Variants in MAPRE2 observed in about 807,000 individuals in gnomAD.
MAPRE2 encodes the protein microtubule-associated protein RP/EB family member 2.
Under a neutral mutation model 43.2 loss-of-function variants are expected in MAPRE2, and 13 were observed. The ratio of observed to expected loss-of-function variants is 0.30; its 90% CI spans 0.20 to 0.48. MAPRE2 has a LOEUF of 0.48. Among genes scored for constraint, MAPRE2 ranks in the 20% least tolerant of loss-of-function variants. The pLI is 0.99. For synonymous variants in MAPRE2, 135 were observed against 148.8 expected, an observed-to-expected ratio of 0.91 and a Z score of 0.68; for missense variants, 161 against 400.2, an observed-to-expected ratio of 0.40 and a Z score of 5.10.
chr18:35,124,770 G>A (rs1217950523), intron 4 of MAPRE2, among the ~76,000 whole-genome samples: 1 of 152,172 alleles, frequency 6.6e-6, no homozygotes, highest in Non-Finnish European at 1.5e-5. Context: ...TAGGCTGGTG[G>A]CTGCCTCAGA....
chr18:34,989,645 A>G (rs1008936475), intron 1 of MAPRE2, among the ~76,000 whole-genome samples: 2 of 152,108 alleles, frequency 1.3e-5, no homozygotes, highest in Non-Finnish European at 2.9e-5. Context: ...TGGGTGTTCA[A>G]GGCAGCAGGG....
chr18:35,022,536 C>A (rs184121940), intron 2 of MAPRE2, among the ~76,000 whole-genome samples: 1 of 151,984 alleles, frequency 6.6e-6, no homozygotes, highest in Non-Finnish European at 1.5e-5. Context: ...GAAAAAAATC[C>A]ATTTGACTTT....
intron 1 of MAPRE2, among the ~76,000 whole-genome samples, chr18:34,982,742 T>C (rs1193734589): frequency 6.6e-6 from 1 of 152,166 alleles, no homozygotes. Flanking sequence ...GCAAACTTCA[T>C]ACAATTACAT....
chr18:35,073,855 A>G (rs1330748341), intron 2 of MAPRE2, among the ~76,000 whole-genome samples: 2 of 152,218 alleles, frequency 1.3e-5, no homozygotes. Context: ...TAAAGGAAAG[A>G]TGGCGTGAGA....
intron 1 of MAPRE2, among the ~76,000 whole-genome samples, chr18:35,064,000 T>TAAAAAAAAAAAAAAAAAAA (rs575347953): frequency 3.5e-4 from 12 of 33,960 alleles, no homozygotes; most frequent in Non-Finnish European, 4.1e-4. Flanking sequence ...CCTGTCTCTT[T>TAAAAAAAAAAAAAAAAAAA]AAAAAAAAAA....
chr18:35,025,071 T>TTA (rs2097044317), intron 2 of MAPRE2, among the ~76,000 whole-genome samples: 1 of 152,194 alleles, frequency 6.6e-6, no homozygotes, highest in South Asian at 2.1e-4. Flanking sequence ...AATGTGTCCT[T>TTA]TATAGAGTAT....
chr18:34,989,720 CTTT>C (rs553500448), intron 1 of MAPRE2, among the ~76,000 whole-genome samples: 1 of 146,368 alleles, frequency 6.8e-6, no homozygotes, highest in Non-Finnish European at 1.5e-5. Context: ...CTCTCTCTGT[CTTT>C]TTTTTTTTAA....
At chr18:35,056,285 A>G (rs1672639574) in intron 1 of MAPRE2, among the ~76,000 whole-genome samples, 1 of 152,148 alleles carries the variant, frequency 6.6e-6, no homozygotes, top group African/African-American at 2.4e-5. Context: ...ACCCATTAAT[A>G]TATTTGTGAT....
At chr18:35,002,015 C>A (rs998750266) in intron 1 of MAPRE2, among the ~76,000 whole-genome samples, 1 of 152,134 alleles carries the variant, frequency 6.6e-6, no homozygotes, top group Non-Finnish European at 1.5e-5. Flanking sequence ...GATGTCAACA[C>A]AATCAAGGTT....
intron 1 of MAPRE2, chr18:34,988,592 G>A (rs937260487): frequency 1.3e-5 from 2 of 152,110 alleles, no homozygotes; most frequent in African/African-American, 4.8e-5. Flanking sequence ...GCTTCATATA[G>A]GGCTGCAGTT....
At position 35,123,139 on chromosome 18, in the gene MAPRE2, A is replaced by G. The variant is rs1027971158; in HGVS notation, c.611-3809A>G. ...TCTTCATAGTTGCTCTTCCCCGATA[A>G]CGTGGCTTTGCCCAGGGGTTTGGCT... On this transcript the variant is annotated intron_variant, in intron 4 of 6. Transcript: ENST00000300249. Among the ~76,000 whole-genome samples, 3 of 151,838 alleles carry G rather than the reference A, an allele frequency of 2.0e-5. 1 individual carries two copies. Among genetic ancestry groups the G allele is most frequent in the Middle Eastern group, 6.9e-3 (2 of 290 alleles).
rs542429807 is a variant in MAPRE2, at chr18:34,992,704, G to A, written c.-69-12788G>A. On this transcript the variant is annotated intron_variant, in intron 1 of 7. Transcript: ENST00000413393. The stretch of plus-strand genomic sequence containing the variant: ...AACATGCAGTTTTGATAGTCCATTA[G>A]CACATTGAATTCTTTAAATTGGAAT... Among the ~76,000 whole-genome samples, 11 of 152,252 alleles carry A rather than the reference G, an allele frequency of 7.2e-5. No individual in the cohort carries two copies. The South Asian group carries it at 2.3e-3, about 32-fold the overall frequency.
At chr18:34,978,333 G>A in intron 1 of MAPRE2, 1 of 658,964 alleles carries the variant, frequency 1.5e-6, no homozygotes, top group Non-Finnish European at 2.7e-6. Context: ...CCGCGCCCGC[G>A]CGCACCGAAA....
At position 35,102,146 on chromosome 18, in the gene MAPRE2, C is replaced by T. The variant is rs938789616; in HGVS notation, c.597C>T (p.Asn199=). The part of the protein sequence containing the change: ...FNLPKKSHHA[N]SPTAGAAKSS... ...TGCCAAAAAAGTCTCACCATGCAAA[C>T]TCCCCCACAGCAGGTATTGTCACAA... The change falls in exon 4 of 7, where the codon AAC becomes AAT. Residue 199 remains asparagine (N), a synonymous_variant. Transcript: ENST00000300249. 1.0e-5 allele frequency: 16 copies of T among 1,598,624 alleles called. No individual in the cohort carries two copies. Among genetic ancestry groups the T allele is most frequent in the Non-Finnish European group, 1.3e-5 (15 of 1,174,024 alleles).
intron 1 of MAPRE2, among the ~76,000 whole-genome samples, chr18:34,985,334 A>AT (rs2097019518): frequency 6.8e-5 from 3 of 43,904 alleles, no homozygotes; most frequent in African/African-American, 8.9e-5. Context: ...ATAATATAAT[A>AT]TATAATATAT....
intron 2 of MAPRE2, among the ~76,000 whole-genome samples, chr18:35,084,984 C>T (rs540927258): frequency 1.3e-5 from 2 of 152,282 alleles, no homozygotes; most frequent in African/African-American, 4.8e-5. Flanking sequence ...TTTCAAGCTG[C>T]TCCTCCATGC....
At chr18:35,044,081 G>C (rs1476149539) in intron 1 of MAPRE2, among the ~76,000 whole-genome samples, 1 of 152,146 alleles carries the variant, frequency 6.6e-6, no homozygotes, top group South Asian at 2.1e-4. Flanking sequence ...CAACAATGAA[G>C]ATGTGCCTGG....
chr18:34,987,425 C>T (rs188603584), intron 1 of MAPRE2, among the ~76,000 whole-genome samples: 103 of 152,254 alleles, frequency 6.8e-4, no homozygotes, highest in Non-Finnish European at 1.2e-3. Flanking sequence ...GAATCACATG[C>T]GTGTTGAAGT....
intron 1 of MAPRE2, among the ~76,000 whole-genome samples, chr18:34,988,431 C>T (rs1416871251): frequency 6.6e-6 from 1 of 152,194 alleles, no homozygotes; most frequent in Non-Finnish European, 1.5e-5. Flanking sequence ...ATGTTATTAA[C>T]ATCCTTCATC....
Sources: gnomAD v4.1 joint callset for allele counts (sites outside exome capture counted in the v4.1 genomes callset) on GRCh38, gnomAD v4.1.1 for gene constraint, MANE v1.5 for transcripts, NCBI Gene and HGNC (gene_info 2026-07-23, HGNC 2026-07-21) for gene names.